Variants in CPEB3 observed in about 807,000 individuals in gnomAD.
The protein encoded by CPEB3 is cytoplasmic polyadenylation element-binding protein 3.
In CPEB3, 20 loss-of-function variants were observed where a neutral mutation model predicts 67.2. The ratio of observed to expected loss-of-function variants is 0.30; its 90% CI spans 0.21 to 0.43. The LOEUF (loss-of-function observed/expected upper bound fraction) is 0.43, where lower values mean the gene tolerates loss of function less well. CPEB3 is among the 20% of genes least tolerant of loss of function. CPEB3 has a pLI of 1.00. For synonymous variants in CPEB3, 376 were observed against 393.1 expected, an observed-to-expected ratio of 0.96 and a Z score of 0.51; for missense variants, 746 against 968.6, an observed-to-expected ratio of 0.77 and a Z score of 3.05.
intron 1 of CPEB3, among the ~76,000 whole-genome samples, chr10:92,259,536 A>C (rs890151061): frequency 1.3e-5 from 2 of 151,760 alleles, no homozygotes; most frequent in Non-Finnish European, 2.9e-5. Context: ...GGGAGGCGGA[A>C]GTTGCAGTGA....
chr10:92,204,756 G>C (rs904270086), intron 2 of CPEB3, among the ~76,000 whole-genome samples: 1 of 149,154 alleles, frequency 6.7e-6, no homozygotes, highest in South Asian at 2.1e-4. Context: ...ATTAAAATGA[G>C]ACAAATAATA....
At position 92,098,038 on chromosome 10, in the gene CPEB3, G is replaced by T. The variant is rs558983872; in HGVS notation, c.1573-6094C>A. On this transcript the variant is annotated intron_variant, in intron 7 of 9. Coordinates refer to ENST00000265997, the MANE Select transcript of CPEB3 (RefSeq NM_014912.5). ...CAGTCAGGCATGGTGGTGCATGCCT[G>T]TAATCCCAGCTACTTGGGAGGCTGA... is the stretch of plus-strand genomic sequence containing the variant. Among the ~76,000 whole-genome samples the T allele has an allele frequency of 9.2e-4, 140 of 151,486 alleles. 3 individuals are homozygous for T. The South Asian group carries it at 0.029, about 31-fold the overall frequency.
chr10:92,138,587 T>G (rs1846232526), intron 6 of CPEB3, among the ~76,000 whole-genome samples: 2 of 149,778 alleles, frequency 1.3e-5, no homozygotes, highest in South Asian at 4.2e-4. Context: ...CAAACAGATA[T>G]ATGAAAAGGT....
chr10:92,257,485 A>ATC (rs1472808204), intron 1 of CPEB3, among the ~76,000 whole-genome samples: 4 of 151,614 alleles, frequency 2.6e-5, no homozygotes, highest in Non-Finnish European at 5.9e-5. Flanking sequence ...TAGTATAGAT[A>ATC]GAGTTTTGCC....
rs185990268 is a variant in CPEB3, at chr10:92,052,636, A to C, written c.1870-197T>G. Among the ~76,000 whole-genome samples the C allele has an allele frequency of 3.9e-5, 6 of 152,364 alleles. No homozygotes were observed. The East Asian group carries it at 5.8e-4, about 15-fold the overall frequency. On this transcript the variant is annotated intron_variant, in intron 9 of 9. Transcript: ENST00000265997. ...ATTTACATCTTGCGTGATATTAGAC[A>C]AATTCTTAAAATCTCTGTGCCTCTG...
intron 2 of CPEB3, among the ~76,000 whole-genome samples, chr10:92,217,200 C>G (rs556586123): frequency 3.4e-5 from 3 of 88,482 alleles, no homozygotes; most frequent in African/African-American, 2.0e-4. Context: ...CAGCGAGACT[C>G]TGCCTCAAAA....
intron 2 of CPEB3, among the ~76,000 whole-genome samples, chr10:92,235,190 C>T (rs142359978): frequency 1.3e-5 from 2 of 152,120 alleles, no homozygotes; most frequent in East Asian, 1.9e-4. Context: ...TATGAAAAAT[C>T]GGCAATTCAC....
chr10:92,254,815 C>T (rs1394963546), intron 1 of CPEB3, among the ~76,000 whole-genome samples: 2 of 152,112 alleles, frequency 1.3e-5, no homozygotes, highest in Non-Finnish European at 2.9e-5. Flanking sequence ...TATACCACCA[C>T]ACCCAGCTAA....
intron 5 of CPEB3, among the ~76,000 whole-genome samples, chr10:92,144,466 A>C (rs191640213): frequency 5.0e-4 from 76 of 152,136 alleles, no homozygotes; most frequent in Middle Eastern, 3.4e-3. Context: ...GGGTCTTGCT[A>C]TGTTGCCCAG....
intron 2 of CPEB3, among the ~76,000 whole-genome samples, chr10:92,222,893 A>G (rs1850771697): frequency 6.6e-6 from 1 of 152,224 alleles, no homozygotes; most frequent in South Asian, 2.1e-4. Flanking sequence ...GCAGAACTAA[A>G]TTCCATAAGG....
At chr10:92,157,549 G>A (rs549358372) in intron 4 of CPEB3, among the ~76,000 whole-genome samples, 80 of 152,188 alleles carry the variant, frequency 5.3e-4, no homozygotes, top group Admixed American at 9.2e-4. Flanking sequence ...CAAAAATTAC[G>A]TAGACTTTGG....
chr10:92,098,770 CTTTTTTTT>C (rs984013045), intron 7 of CPEB3, among the ~76,000 whole-genome samples: 10 of 124,556 alleles, frequency 8.0e-5, no homozygotes, highest in African/African-American at 1.3e-4. Context: ...TTCTTTTTTT[CTTTTTTTT>C]TTTTTTTTTT....
chr10:92,085,265 AC>A (rs1183667147), intron 8 of CPEB3, among the ~76,000 whole-genome samples: 1 of 152,170 alleles, frequency 6.6e-6, no homozygotes, highest in Non-Finnish European at 1.5e-5. Flanking sequence ...TCCCATCCAG[AC>A]AGTGCTCATT....
intron 8 of CPEB3, among the ~76,000 whole-genome samples, chr10:92,084,585 T>C (rs1424268383): frequency 6.6e-6 from 1 of 152,038 alleles, no homozygotes; most frequent in African/African-American, 2.4e-5. Flanking sequence ...TATTTATTTA[T>C]TTACTTATTT....
In CPEB3 at chr10:92,139,582, AAAAACAT is replaced by A. The variant is rs143802626; in HGVS notation, c.1453+3440_1453+3446del. Among the ~76,000 whole-genome samples, 856 of 152,288 alleles carry A rather than the reference AAAAACAT, an allele frequency of 5.6e-3. 14 individuals are homozygous for A. The highest frequency in any genetic ancestry group is 0.02 in the African/African-American group (819 of 41,544). Reference sequence around the variant, plus strand: ...AAAAGTGGGCATGGTTAATAGGTACAAAAACATAATTAGATGGAATGAATAAGATCTT... The same window carrying A: ...AAAAGTGGGCATGGTTAATAGGTACAAATTAGATGGAATGAATAAGATCTT... On this transcript the variant is annotated intron_variant, in intron 6 of 9. Coordinates refer to ENST00000265997, the MANE Select transcript of CPEB3 (RefSeq NM_014912.5).
At chr10:92,188,320 T>TAAAAAAAAAAA (rs756970118) in intron 3 of CPEB3, among the ~76,000 whole-genome samples, 11 of 36,976 alleles carry the variant, frequency 3.0e-4, no homozygotes, top group Middle Eastern at 0.029. Context: ...TAAGACATAG[T>TAAAAAAAAAAA]AAAAAAAAAA....
At chr10:92,142,046 A>C (rs1315338336) in intron 6 of CPEB3, among the ~76,000 whole-genome samples, 2 of 151,682 alleles carry the variant, frequency 1.3e-5, no homozygotes, top group Admixed American at 6.6e-5. Flanking sequence ...AAACAAAAAA[A>C]AAAAAAACAA....
Position 92,291,039 on chromosome 10 carries a change from A to G in CPEB3, c.-125T>C, listed in dbSNP as rs544085797. On this transcript the variant is annotated 5_prime_UTR_variant, in exon 1 of 10. Transcript: ENST00000265997. ...GGGAGGGCGCCGGCCAGACGGCGGC[A>G]GGCGCGGAGGCGTTGGTCCGGGCGG... The G allele has an allele frequency of 2.3e-5, 4 of 171,104 alleles. No individual in the cohort carries two copies. In the East Asian group the frequency reaches 5.1e-4, roughly 22 times the overall value. 10.6% of individuals were successfully genotyped at this position (171,104 alleles called of 1,614,324 possible). A position where few individuals can be genotyped will look rare whatever the true frequency, so the allele number is the denominator to read the frequency against.
intron 2 of CPEB3, among the ~76,000 whole-genome samples, chr10:92,221,441 C>T (rs1035507485): frequency 1.3e-5 from 2 of 152,164 alleles, no homozygotes; most frequent in Admixed American, 6.6e-5. Flanking sequence ...TGCAGTGAGA[C>T]GAGATCACGC....
Sources: allele counts gnomAD v4.1 joint callset (sites outside exome capture counted in the v4.1 genomes callset), GRCh38; gene constraint gnomAD v4.1.1; transcripts MANE v1.5; gene names NCBI Gene and HGNC (gene_info 2026-07-23, HGNC 2026-07-21).